Variants in ATP10B observed in about 807,000 individuals in gnomAD.
ATP10B encodes the protein ATPase phospholipid transporting 10B (putative), also known as phospholipid-transporting ATPase VB.
A neutral mutation model predicts 141.2 loss-of-function variants in ATP10B; 122 were observed. The ratio of observed to expected loss-of-function variants is 0.86; its 90% CI spans 0.75 to 1.00. The LOEUF is 1.00. Ranked by LOEUF, ATP10B falls within the 50% of genes least tolerant of loss-of-function variation. The pLI, the probability that ATP10B is intolerant of heterozygous loss-of-function variation, is 0.00. For missense variants in ATP10B, 1,876 were observed against 1,825.3 expected, an observed-to-expected ratio of 1.03 and a Z score of -0.51; for synonymous variants, 685 against 692.0, an observed-to-expected ratio of 0.99 and a Z score of 0.16.
intron 7 of ATP10B, among the ~76,000 whole-genome samples, chr5:160,669,959 G>A (rs1051730296): frequency 9.5e-5 from 13 of 137,366 alleles, no homozygotes; most frequent in Admixed American, 8.9e-4. Context: ...TGCCCTCAAG[G>A]AGGCTTAAGC....
At chr5:160,648,502 A>T (rs1437490460) in intron 8 of ATP10B, among the ~76,000 whole-genome samples, 2 of 152,132 alleles carry the variant, frequency 1.3e-5, no homozygotes, top group Non-Finnish European at 2.9e-5. Flanking sequence ...TTGTGGGAAG[A>T]CTAGTGGTCT....
At chr5:160,875,278 C>G in the ATP10B span, among the ~76,000 whole-genome samples, 3 of 68,448 alleles carry the variant, frequency 4.4e-5, no homozygotes, top group African/African-American at 1.1e-4. Context: ...CATATCCAGC[C>G]AAACTAAGCT....
intron 6 of ATP10B, among the ~76,000 whole-genome samples, chr5:160,670,970 G>C (rs973533162): frequency 6.6e-6 from 1 of 151,840 alleles, no homozygotes. Flanking sequence ...TTCGAGACCA[G>C]CCTGGCCCAT....
chr5:160,769,948 T>C (rs1313984209), intron 2 of ATP10B, among the ~76,000 whole-genome samples: 2 of 152,172 alleles, frequency 1.3e-5, no homozygotes, highest in African/African-American at 2.4e-5. Context: ...TTCTAAAGGC[T>C]TAAGAGAACA....
At chr5:160,708,054 G>A (rs1259372122) in intron 3 of ATP10B, among the ~76,000 whole-genome samples, 3 of 152,120 alleles carry the variant, frequency 2.0e-5, no homozygotes, top group Non-Finnish European at 4.4e-5. Context: ...GTTGGCAAGA[G>A]ACCATGGATG....
At chr5:160,567,402 C>T (rs1232415714) in intron 25 of ATP10B, among the ~76,000 whole-genome samples, 1 of 152,192 alleles carries the variant, frequency 6.6e-6, no homozygotes, top group South Asian at 2.1e-4. Context: ...AATGTTTCTT[C>T]CTTGAGGAAA....
At chr5:160,926,975 A>C in the ATP10B span, among the ~76,000 whole-genome samples, 1 of 152,208 alleles carries the variant, frequency 6.6e-6, no homozygotes, top group African/African-American at 2.4e-5. Flanking sequence ...CTGTCACACT[A>C]AGTGCTTTGC....
intron 1 of ATP10B, among the ~76,000 whole-genome samples, chr5:160,828,989 T>C (rs1354275383): frequency 7.5e-6 from 1 of 132,998 alleles, no homozygotes; most frequent in African/African-American, 2.8e-5. Context: ...TTCTCACTCA[T>C]AGATGGGAAT....
the ATP10B span, among the ~76,000 whole-genome samples, chr5:160,910,821 G>T: frequency 6.6e-6 from 1 of 152,164 alleles, no homozygotes; most frequent in Admixed American, 6.5e-5. Flanking sequence ...CTGCTATTTG[G>T]ATATGGTTTG....
At chr5:160,686,667 A>T (rs1336360311) in intron 5 of ATP10B, among the ~76,000 whole-genome samples, 1 of 152,094 alleles carries the variant, frequency 6.6e-6, no homozygotes, top group East Asian at 1.9e-4. Context: ...GGAATGGAAA[A>T]CCATCTAGAT....
rs1211737899 is a variant in ATP10B at position 160,612,897 on chromosome 5, C to G, written c.2682G>C (p.Gln894His). The G allele has an allele frequency of 6.2e-7, 1 of 1,613,560 alleles. No homozygotes were observed. The highest frequency in any genetic ancestry group is 8.5e-7 in the Non-Finnish European group (1 of 1,179,822). Residue 894 changes from glutamine (Q) to histidine (H), a missense_variant, in exon 18 of 26, where the codon CAG (glutamine) becomes CAC (histidine). Transcript: ENST00000327245. The stretch of plus-strand genomic sequence containing the variant: ...TGGCAATCGTATCTGGAACTCCTTC[C>G]TGCAGCCGGTCTTCGATCCCAGTGG... ...LGATGIEDRL[Q>H]EGVPDTIATL...
chr5:160,874,369 CA>C, the ATP10B span, among the ~76,000 whole-genome samples: 2 of 152,060 alleles, frequency 1.3e-5, no homozygotes, highest in South Asian at 2.1e-4. Flanking sequence ...ACATCCACAC[CA>C]AAAACTCATC....
chr5:160,888,305 A>T, the ATP10B span, among the ~76,000 whole-genome samples: 1 of 152,210 alleles, frequency 6.6e-6, no homozygotes, highest in African/African-American at 2.4e-5. Context: ...AAATTTCTTT[A>T]AAAAAATCCT....
At chr5:160,671,564 A>T (rs1216639539) in intron 6 of ATP10B, among the ~76,000 whole-genome samples, 2 of 152,176 alleles carry the variant, frequency 1.3e-5, no homozygotes, top group Non-Finnish European at 2.9e-5. Flanking sequence ...TTTTGATGAA[A>T]TGAGACCTCA....
intron 2 of ATP10B, among the ~76,000 whole-genome samples, chr5:160,764,695 T>C (rs534625125): frequency 1.3e-4 from 20 of 152,274 alleles, no homozygotes; most frequent in African/African-American, 4.8e-4. Flanking sequence ...TTCAGCGTAG[T>C]ACTGGAAGTC....
chr5:160,898,242 A>G, the ATP10B span, among the ~76,000 whole-genome samples: 2 of 152,200 alleles, frequency 1.3e-5, no homozygotes, highest in African/African-American at 4.8e-5. Flanking sequence ...AATTTTTGCA[A>G]TCTATCCATC....
chr5:160,889,190 C>T, the ATP10B span, among the ~76,000 whole-genome samples: 1 of 152,192 alleles, frequency 6.6e-6, no homozygotes, highest in Non-Finnish European at 1.5e-5. Context: ...GCCACACTAA[C>T]CTGCCAGCCA....
chr5:160,658,907 T>C (rs1460620510), intron 7 of ATP10B, among the ~76,000 whole-genome samples: 1 of 152,192 alleles, frequency 6.6e-6, no homozygotes, highest in Non-Finnish European at 1.5e-5. Context: ...TCCACACTAT[T>C]TTGAATTACA....
the ATP10B span, among the ~76,000 whole-genome samples, chr5:160,859,470 C>T: frequency 1.3e-5 from 2 of 151,662 alleles, no homozygotes; most frequent in Admixed American, 6.6e-5. Flanking sequence ...TCCTCACCTT[C>T]TTAAATCTGT....
Sources: gnomAD v4.1 joint callset for allele counts (sites outside exome capture counted in the v4.1 genomes callset) on GRCh38, gnomAD v4.1.1 for gene constraint, MANE v1.5 for transcripts, NCBI Gene and HGNC (gene_info 2026-07-23, HGNC 2026-07-21) for gene names.